RPH3AL: variants seen among roughly 807,000 people sequenced by gnomAD.
RPH3AL encodes the protein rabphilin 3A like (without C2 domains), also known as rab effector Noc2.
Under a neutral mutation model 43.1 loss-of-function variants are expected in RPH3AL, and 38 were observed. The ratio of observed to expected loss-of-function variants is 0.88; its 90% CI spans 0.68 to 1.15. The LOEUF (loss-of-function observed/expected upper bound fraction) is 1.15. Among genes scored for constraint, RPH3AL ranks in the 50% most tolerant of loss-of-function variants. RPH3AL has a pLI of 0.00. For synonymous variants in RPH3AL, 189 were observed against 176.3 expected, an observed-to-expected ratio of 1.07 and a Z score of -0.57; for missense variants, 462 against 423.2, an observed-to-expected ratio of 1.09 and a Z score of -0.81.
chr17:296,444 C>A (rs551704029), intron 5 of RPH3AL, among the ~76,000 whole-genome samples: 1 of 137,748 alleles, frequency 7.3e-6, no homozygotes, highest in South Asian at 2.4e-4. Flanking sequence ...GAGCTGCAGA[C>A]ATGAACGGGC....
At chr17:299,345 CCCCT>C (rs761778977) in intron 5 of RPH3AL, among the ~76,000 whole-genome samples, 17 of 152,082 alleles carry the variant, frequency 1.1e-4, no homozygotes, top group Non-Finnish European at 2.2e-4. Flanking sequence ...CTGGGGCAGA[CCCCT>C]CCCTCCCTCC....
chr17:241,711 C>CTTTTTTTT (rs1001979455), intron 7 of RPH3AL, among the ~76,000 whole-genome samples: 5 of 92,790 alleles, frequency 5.4e-5, no homozygotes, highest in South Asian at 4.4e-4. Context: ...GTTTCTTTTT[C>CTTTTTTTT]TTTTTTTTTC....
chr17:330,786 T>G (rs12452126), intron 2 of RPH3AL: 76,821 of 151,320 alleles, frequency 0.51, 20,003 homozygotes, highest in East Asian at 0.74. Flanking sequence ...CGAGGCAGGA[T>G]AATCGCTTGA....
chr17:244,074 C>A (rs1023121037), intron 7 of RPH3AL, among the ~76,000 whole-genome samples: 1 of 149,368 alleles, frequency 6.7e-6, no homozygotes, highest in Admixed American at 6.7e-5. Context: ...CTATTGATCA[C>A]CTTCCTCTAT....
intron 6 of RPH3AL, among the ~76,000 whole-genome samples, chr17:277,753 T>C (rs1032761060): frequency 1.3e-5 from 2 of 152,040 alleles, no homozygotes; most frequent in African/African-American, 4.8e-5. Context: ...CTCAGGAGTT[T>C]GAGACCAGCC....
rs2151595843 is a variant in RPH3AL at position 274,414 on chromosome 17, C to T, written c.438+7354G>A. On this transcript the variant is annotated intron_variant, in intron 6 of 9. Transcript: ENST00000331302. The surrounding 1 kb of genome is among the most constrained non-coding windows in gnomAD (Gnocchi z 4.7). ...AGCCTTCCTGGCACTTCAGGGCTGCCAGTTCCTGGGGCCACAGGGGCTGTC... is the reference window on the plus strand; with the variant it reads ...AGCCTTCCTGGCACTTCAGGGCTGCTAGTTCCTGGGGCCACAGGGGCTGTC... Among the ~76,000 whole-genome samples, 1 of 152,362 alleles carries T rather than the reference C, an allele frequency of 6.6e-6. No homozygotes were observed. Among genetic ancestry groups the T allele is most frequent in the Non-Finnish European group, 1.5e-5 (1 of 68,032 alleles).
chr17:306,115 C>T (rs748645885), intron 5 of RPH3AL, among the ~76,000 whole-genome samples: 1 of 151,596 alleles, frequency 6.6e-6, no homozygotes, highest in Non-Finnish European at 1.5e-5. Context: ...CTCACCTTGG[C>T]CTCCCAAAGT....
Position 225,674 on chromosome 17 carries a change from C to T in RPH3AL, c.614-5938G>A, listed in dbSNP as rs1597882116. 6.6e-6 allele frequency among the ~76,000 whole-genome samples: 1 copy of T among 152,344 alleles called. No homozygotes were observed. Among genetic ancestry groups the T allele is most frequent in the African/African-American group, 2.4e-5 (1 of 41,580 alleles). ...TGGCTCGTCTGCACACCGGTTTCCG[C>T]CTCTCTCTGGCAGAGATGCTTATGG... On this transcript the variant is annotated intron_variant, in intron 7 of 9. Coordinates refer to ENST00000331302, the MANE Select transcript of RPH3AL (RefSeq NM_006987.4). This position sits in a 1 kb window ranked among gnomAD's most constrained non-coding sequence, Gnocchi z 4.4.
At chr17:235,272 C>A (rs377371321) in intron 7 of RPH3AL, among the ~76,000 whole-genome samples, 6 of 117,080 alleles carry the variant, frequency 5.1e-5, no homozygotes, top group African/African-American at 2.1e-4. Context: ...CTGGGGTCGG[C>A]CGAGGCTCTA....
chr17:321,038 C>T (rs1459510776), intron 4 of RPH3AL, among the ~76,000 whole-genome samples: 2 of 152,200 alleles, frequency 1.3e-5, no homozygotes, highest in Admixed American at 6.5e-5. Context: ...GGGCGCACAG[C>T]TCAGCTAGCA....
chr17:244,438 G>T (rs558937219), intron 7 of RPH3AL, among the ~76,000 whole-genome samples: 6 of 141,318 alleles, frequency 4.2e-5, no homozygotes, highest in Admixed American at 1.4e-4. Flanking sequence ...GGAAGAGAAT[G>T]GGGGGGGAGA....
In RPH3AL at chr17:317,710, A is replaced by G. The variant is rs77149351; in HGVS notation, c.351+1710T>C. Reference sequence around the variant, plus strand: ...ACATATGACAAAAGCAGGAAAAGAAATGAGGTAGCTGAAGTCCTGGCTTTC... The same window carrying G: ...ACATATGACAAAAGCAGGAAAAGAAGTGAGGTAGCTGAAGTCCTGGCTTTC... On this transcript the variant is annotated intron_variant, in intron 5 of 9. Transcript: ENST00000331302. 8.9e-3 allele frequency among the ~76,000 whole-genome samples: 1,356 copies of G among 152,392 alleles called. 15 individuals carry two copies. The highest frequency in any genetic ancestry group is 0.018 in the East Asian group (91 of 5,192).
At chr17:229,758 G>A (rs895034628) in intron 7 of RPH3AL, among the ~76,000 whole-genome samples, 1 of 152,138 alleles carries the variant, frequency 6.6e-6, no homozygotes, top group Non-Finnish European at 1.5e-5. Context: ...CCACCTCCGG[G>A]CCAGGGTGCA....
intron 6 of RPH3AL, among the ~76,000 whole-genome samples, chr17:272,343 T>C (rs2032652180): frequency 6.6e-6 from 1 of 151,748 alleles, no homozygotes; most frequent in South Asian, 2.1e-4. Flanking sequence ...TAGCAAAGAC[T>C]TGGAACCAAC....
chr17:252,944 C>T (rs1434766382), intron 6 of RPH3AL, among the ~76,000 whole-genome samples: 6 of 152,106 alleles, frequency 3.9e-5, no homozygotes, highest in East Asian at 1.9e-4. Context: ...ACTGCAGGGT[C>T]GAGAACTGTG....
intron 6 of RPH3AL, among the ~76,000 whole-genome samples, chr17:272,663 G>T (rs8070917): frequency 7.2e-6 from 1 of 138,826 alleles, no homozygotes; most frequent in East Asian, 2.4e-4. Flanking sequence ...CTAAAATGAC[G>T]AGTTAATGGG....
rs568863977 is a variant in RPH3AL, at chr17:212,627, G to T, written c.*1225C>A. On this transcript the variant is annotated 3_prime_UTR_variant, in exon 10 of 10. Coordinates refer to ENST00000331302, the MANE Select transcript of RPH3AL (RefSeq NM_006987.4). The stretch of plus-strand genomic sequence containing the variant: ...GGCCCAGGAGCTCCCAGCTTGGAGA[G>T]AAGGCCCTTCCAGACCCAGGAACCC... The T allele has an allele frequency of 3.3e-5, 5 of 152,220 alleles. No individual in the cohort carries two copies. In the East Asian group the frequency reaches 9.7e-4, roughly 29 times the overall value. The allele number at this position is 152,220 out of a possible 1,614,324, so 9.4% of individuals were successfully genotyped here.
At chr17:311,669 G>C (rs563517598) in intron 5 of RPH3AL, among the ~76,000 whole-genome samples, 1 of 152,216 alleles carries the variant, frequency 6.6e-6, no homozygotes, top group African/African-American at 2.4e-5. Flanking sequence ...TACGAGTAAC[G>C]AGACAATTAT....
At chr17:310,378 T>C (rs2043613250) in intron 5 of RPH3AL, among the ~76,000 whole-genome samples, 1 of 152,158 alleles carries the variant, frequency 6.6e-6, no homozygotes, top group Non-Finnish European at 1.5e-5. Flanking sequence ...CCAGGGCTCC[T>C]GCTGGGGGCG....
Sources: allele counts gnomAD v4.1 joint callset (sites outside exome capture counted in the v4.1 genomes callset), GRCh38; gene constraint gnomAD v4.1.1; non-coding constraint Gnocchi (gnomAD v3.1); transcripts MANE v1.5; gene names NCBI Gene and HGNC (gene_info 2026-07-23, HGNC 2026-07-21).